KLHL18: variants seen among roughly 807,000 people sequenced by gnomAD.
KLHL18 encodes kelch-like protein 18.
KLHL18 carries 38 observed loss-of-function variants against 58.5 expected under a neutral mutation model. The ratio of observed to expected loss-of-function variants is 0.65; its 90% confidence interval spans 0.50 to 0.85. The LOEUF is 0.85. Ranked by LOEUF, KLHL18 falls within the 40% of genes least tolerant of loss-of-function variation. KLHL18 has a pLI of 0.00. For missense variants in KLHL18, 624 were observed against 778.4 expected, an observed-to-expected ratio of 0.80 and a Z score of 2.36; for synonymous variants, 303 against 301.9, an observed-to-expected ratio of 1.00 and a Z score of -0.04.
At chr3:47,287,179 C>T (rs1702692601) in intron 1 of KLHL18, 1 of 152,178 alleles carries the variant, frequency 6.6e-6, no homozygotes, top group African/African-American at 2.4e-5. Flanking sequence ...TTTTGTTGAC[C>T]CTTCTAATGT....
chr3:47,309,267 C>T (rs1463489926), intron 1 of KLHL18, among the ~76,000 whole-genome samples: 1 of 152,250 alleles, frequency 6.6e-6, no homozygotes, highest in Non-Finnish European at 1.5e-5. Context: ...ATGGCCCGTT[C>T]TCAATGAGCT....
At chr3:47,312,544 G>A (rs1703326549) in intron 1 of KLHL18, among the ~76,000 whole-genome samples, 1 of 152,156 alleles carries the variant, frequency 6.6e-6, no homozygotes, top group African/African-American at 2.4e-5. Context: ...GTGGGGAAGA[G>A]GGGAGATTTG....
At chr3:47,329,843 G>T in intron 3 of KLHL18, 108 bp from the exon 4 acceptor site, 1 of 865,762 alleles carries the variant, frequency 1.2e-6, no homozygotes, top group Non-Finnish European at 1.9e-6. Context: ...CAAAGCTGAG[G>T]TTAAGAATTT....
Position 47,343,809 on chromosome 3 carries a change from C to T in KLHL18, c.1593C>T (p.Gly531=), listed in dbSNP as rs767615464. 2 of 1,614,208 alleles carry T rather than the reference C, an allele frequency of 1.2e-6. No homozygotes were observed. Among genetic ancestry groups the T allele is most frequent in the East Asian group, 2.2e-5 (1 of 44,878 alleles). Residue 531 remains glycine (G), a synonymous_variant, in exon 10 of 10, where the codon GGC becomes GGT. Coordinates refer to ENST00000232766, the MANE Select transcript of KLHL18 (RefSeq NM_025010.5). ...ASCGRLYAVG[G]YDGQSNLSSV... is the part of the protein sequence containing the mutation. ...GTGGGCGCCTCTACGCTGTTGGGGGCTACGACGGACAGTCAAACCTAAGCT... is the reference window on the plus strand; with the variant it reads ...GTGGGCGCCTCTACGCTGTTGGGGGTTACGACGGACAGTCAAACCTAAGCT...
intron 1 of KLHL18, among the ~76,000 whole-genome samples, chr3:47,307,651 A>T (rs959523111): frequency 1.3e-5 from 2 of 152,098 alleles, no homozygotes; most frequent in Non-Finnish European, 2.9e-5. Flanking sequence ...CGGCCTCCCA[A>T]AGTGTTGGGA....
intron 1 of KLHL18, among the ~76,000 whole-genome samples, chr3:47,316,505 A>ATGTGTGTG (rs796316283): frequency 1.7e-3 from 8 of 4,586 alleles, no homozygotes; most frequent in African/African-American, 2.0e-3. Flanking sequence ...ATATATGTAT[A>ATGTGTGTG]TATATACATA....
chr3:47,314,115 A>G (rs1703369459), intron 1 of KLHL18, among the ~76,000 whole-genome samples: 1 of 152,008 alleles, frequency 6.6e-6, no homozygotes, highest in South Asian at 2.1e-4. Context: ...AGCTCACTGC[A>G]ACCTTGAACT....
At chr3:47,326,869 C>T (rs768479157) in intron 3 of KLHL18, among the ~76,000 whole-genome samples, 1 of 149,398 alleles carries the variant, frequency 6.7e-6, no homozygotes, top group Non-Finnish European at 1.5e-5. Flanking sequence ...TGCGGTGAGC[C>T]GAGATCGTGC....
rs776134542 is a variant in KLHL18, at chr3:47,343,659, C to A, written c.1443C>A (p.Val481=). The stretch of plus-strand genomic sequence containing the variant: ...CCTCCCTGGGGAGCAAGATGTTTGT[C>A]TGCGGGGGCTACGATGGCTCTGGCT... ...GAASLGSKMF[V]CGGYDGSGFL... Residue 481 remains valine, a synonymous_variant, in exon 10 of 10, where the codon GTC becomes GTA. Transcript: ENST00000232766. 1 of 1,614,134 alleles carries A rather than the reference C, an allele frequency of 6.2e-7. No individual in the cohort carries two copies. Among genetic ancestry groups the A allele is most frequent in the Admixed American group, 1.7e-5 (1 of 60,026 alleles).
intron 3 of KLHL18, among the ~76,000 whole-genome samples, chr3:47,329,471 C>T (rs1703804058): frequency 6.6e-6 from 1 of 152,222 alleles, no homozygotes; most frequent in Non-Finnish European, 1.5e-5. Context: ...TCGTGATCTG[C>T]CTGCCTCAGC....
At chr3:47,308,182 C>T (rs572670456) in intron 1 of KLHL18, among the ~76,000 whole-genome samples, 1 of 150,832 alleles carries the variant, frequency 6.6e-6, no homozygotes, top group East Asian at 1.9e-4. Flanking sequence ...ATCCCAAGGG[C>T]ATTCTTTCCA....
At chr3:47,310,305 G>C (rs1208494295) in intron 1 of KLHL18, among the ~76,000 whole-genome samples, 1 of 151,932 alleles carries the variant, frequency 6.6e-6, no homozygotes, top group Non-Finnish European at 1.5e-5. Flanking sequence ...CACATTGCCT[G>C]TCTGGTGGAC....
At position 47,316,709 on chromosome 3, in the gene KLHL18, A is replaced by G. The variant is rs866333611; in HGVS notation, c.130-2944A>G. Among the ~76,000 whole-genome samples the G allele has an allele frequency of 5.2e-4, 28 of 53,412 alleles. No homozygotes were observed. The East Asian group carries it at 7.0e-3, about 13-fold the overall frequency. The allele number at this position is 53,412 out of a possible 152,430, so 35.0% of individuals were successfully genotyped here. ...TGTGTGTATATATACATATATACGT[A>G]TATATGTATATGTGTGTGTATATAT... On this transcript the variant is annotated intron_variant, in intron 1 of 9. Transcript: ENST00000232766.
chr3:47,308,877 G>A (rs537629092), intron 1 of KLHL18, among the ~76,000 whole-genome samples: 2 of 152,098 alleles, frequency 1.3e-5, no homozygotes, highest in African/African-American at 4.8e-5. Flanking sequence ...ACAAACAAGT[G>A]AACAAAGGTC....
chr3:47,287,776 C>T (rs1702707988), intron 1 of KLHL18, among the ~76,000 whole-genome samples: 1 of 152,098 alleles, frequency 6.6e-6, no homozygotes, highest in Admixed American at 6.6e-5. Context: ...TCAGCCACCA[C>T]GCCCGGCCAG....
At chr3:47,317,116 C>G (rs916956074) in intron 1 of KLHL18, among the ~76,000 whole-genome samples, 1 of 152,082 alleles carries the variant, frequency 6.6e-6, no homozygotes, top group Admixed American at 6.6e-5. Flanking sequence ...CTAGAAGACA[C>G]ATTTTTATTT....
chr3:47,299,653 G>A (rs976599319), intron 1 of KLHL18, among the ~76,000 whole-genome samples: 2 of 151,632 alleles, frequency 1.3e-5, no homozygotes, highest in South Asian at 2.1e-4. Flanking sequence ...ATAGTGAGAC[G>A]CTGTCTCCAC....
Position 47,344,183 on chromosome 3 carries a change from A to G in KLHL18, c.*242A>G. 1.8e-6 allele frequency: 1 copy of G among 552,392 alleles called. No individual in the cohort carries two copies. The highest frequency in any genetic ancestry group is 3.2e-6 in the Non-Finnish European group (1 of 315,882). 34.2% of individuals were successfully genotyped at this position (552,392 alleles called of 1,614,324 possible). On this transcript the variant is annotated 3_prime_UTR_variant, in exon 10 of 10. Transcript: ENST00000232766. Reference sequence around the variant, plus strand: ...TCCTCTGGATCCTGCAGCTGGTGACATGGAACTGTTTTCTGGTCCACATGA... The same window carrying G: ...TCCTCTGGATCCTGCAGCTGGTGACGTGGAACTGTTTTCTGGTCCACATGA...
At chr3:47,339,805 AC>A (rs1704068863) in intron 7 of KLHL18, among the ~76,000 whole-genome samples, 1 of 1,222 alleles carries the variant, frequency 8.2e-4, no homozygotes, top group Non-Finnish European at 0.012. Flanking sequence ...CTCACTCTTA[AC>A]AATCCCAGCA....
Sources: allele counts gnomAD v4.1 joint callset (sites outside exome capture counted in the v4.1 genomes callset), GRCh38; gene constraint gnomAD v4.1.1; transcripts MANE v1.5; gene names NCBI Gene and HGNC (gene_info 2026-07-23, HGNC 2026-07-21).